SOX5: variants seen among roughly 807,000 people sequenced by gnomAD.
The protein encoded by SOX5 is SRY-box transcription factor 5, also known as transcription factor SOX-5.
A neutral mutation model predicts 92.0 loss-of-function variants in SOX5; 9 were observed. That is an observed-to-expected ratio of 0.10 (90% CI 0.06 to 0.17). The LOEUF is 0.17. Ranked by LOEUF, SOX5 falls within the 10% of genes least tolerant of loss-of-function variation. The pLI is 1.00. For synonymous variants in SOX5, 344 were observed against 336.3 expected (o/e 1.02, Z -0.25); for missense variants, 642 against 944.5 (o/e 0.68, Z 4.20).
At chr12:24,016,720 T>C (rs16926969) in intron 4 of SOX5, among the ~76,000 whole-genome samples, 1,750 of 152,260 alleles carry the variant, frequency 0.011, 45 homozygotes, top group African/African-American at 0.039. Context: ...GGCCACAATA[T>C]ATTGACTTGC....
At chr12:23,864,996 C>G (rs966300281) in intron 2 of SOX5, among the ~76,000 whole-genome samples, 3 of 152,172 alleles carry the variant, frequency 2.0e-5, no homozygotes, top group Admixed American at 1.3e-4. Flanking sequence ...CCTGGCTCTC[C>G]TGTTAGGGGT....
intron 3 of SOX5, among the ~76,000 whole-genome samples, chr12:23,819,524 C>A (rs1218887757): frequency 6.6e-6 from 1 of 152,110 alleles, no homozygotes; most frequent in Admixed American, 6.5e-5. Context: ...GTTTGCTGCA[C>A]CCATCAGCCC....
intron 3 of SOX5, among the ~76,000 whole-genome samples, chr12:23,843,805 C>T (rs1012703585): frequency 1.3e-5 from 2 of 151,998 alleles, no homozygotes; most frequent in African/African-American, 4.8e-5. Context: ...CTCAGGTGAT[C>T]CACCTGCCAC....
intron 4 of SOX5, among the ~76,000 whole-genome samples, chr12:24,118,000 CA>C (rs1948210723): frequency 9.0e-6 from 1 of 110,994 alleles, no homozygotes; most frequent in African/African-American, 3.6e-5. Context: ...GCCTGGGGAA[CA>C]GAGCGAGACT....
At position 24,117,851 on chromosome 12, in the gene SOX5, C is replaced by G. The variant is rs544912528; in HGVS notation, c.-2+95492G>C. 3.3e-5 allele frequency among the ~76,000 whole-genome samples: 5 copies of G among 151,874 alleles called. No homozygotes were observed. In the East Asian group the frequency reaches 7.7e-4, roughly 24 times the overall value. ...CCTGGCCAACATAGTGAAACCCTATCTCTACTAAAAATACAAAAATTAGCT... is the reference window on the plus strand; with the variant it reads ...CCTGGCCAACATAGTGAAACCCTATGTCTACTAAAAATACAAAAATTAGCT... On this transcript the variant is annotated intron_variant, in intron 4 of 4. Transcript: ENST00000446891.
At chr12:23,863,529 C>T (rs1341358319) in intron 2 of SOX5, among the ~76,000 whole-genome samples, 1 of 152,082 alleles carries the variant, frequency 6.6e-6, no homozygotes, top group Non-Finnish European at 1.5e-5. Flanking sequence ...TATGGCTTCT[C>T]ATCGGAATAA....
intron 2 of SOX5, among the ~76,000 whole-genome samples, chr12:24,335,967 G>GCTA (rs1428776663): frequency 9.4e-5 from 1 of 10,656 alleles, no homozygotes; most frequent in Non-Finnish European, 2.6e-4. Flanking sequence ...GGCTAGAAAT[G>GCTA]CTATCATATA....
chr12:23,782,551 C>G (rs1234771735), intron 3 of SOX5, among the ~76,000 whole-genome samples: 1 of 152,206 alleles, frequency 6.6e-6, no homozygotes, highest in Admixed American at 6.5e-5. Flanking sequence ...AGAGGAAGAA[C>G]AGCAGATTTA....
At chr12:24,271,344 C>A (rs1255158225) in intron 3 of SOX5, among the ~76,000 whole-genome samples, 3 of 152,112 alleles carry the variant, frequency 2.0e-5, no homozygotes, top group Non-Finnish European at 4.4e-5. Context: ...ATTTGCATTT[C>A]TTCTTTTGCC....
chr12:24,403,287 A>T (rs1217801611), intron 1 of SOX5, among the ~76,000 whole-genome samples: 1 of 152,164 alleles, frequency 6.6e-6, no homozygotes, highest in African/African-American at 2.4e-5. Flanking sequence ...CTCCCTAAGT[A>T]TTGCACTTAT....
chr12:24,269,675 C>CTTTATT (rs1210871470), intron 3 of SOX5, among the ~76,000 whole-genome samples: 1 of 137,744 alleles, frequency 7.3e-6, no homozygotes, highest in Non-Finnish European at 1.6e-5. Context: ...TATCACATTT[C>CTTTATT]TTTATTTTTA....
intron 8 of SOX5, among the ~76,000 whole-genome samples, chr12:23,632,926 ATAT>A (rs1043416225): frequency 6.6e-6 from 1 of 152,162 alleles, no homozygotes; most frequent in Non-Finnish European, 1.5e-5. Flanking sequence ...TATTCCAAAA[ATAT>A]TATTATGAAT....
chr12:24,094,535 A>T (rs183421987), intron 4 of SOX5, among the ~76,000 whole-genome samples: 145 of 148,274 alleles, frequency 9.8e-4, no homozygotes, highest in Admixed American at 2.5e-3. Flanking sequence ...AGATTTACTC[A>T]TTGTTTCCTT....
intron 6 of SOX5, among the ~76,000 whole-genome samples, chr12:23,677,632 CTG>C (rs528515033): frequency 1.2e-3 from 185 of 152,276 alleles, no homozygotes; most frequent in African/African-American, 4.3e-3. Context: ...TCCTTAAACT[CTG>C]TGCATTATTC....
chr12:23,794,852 A>G (rs2095535612), intron 3 of SOX5, among the ~76,000 whole-genome samples: 1 of 152,144 alleles, frequency 6.6e-6, no homozygotes, highest in Admixed American at 6.6e-5. Context: ...TTCTTAGTCA[A>G]ATAAGTCACA....
At chr12:24,386,867 G>T (rs941341518) in intron 1 of SOX5, among the ~76,000 whole-genome samples, 11 of 152,160 alleles carry the variant, frequency 7.2e-5, no homozygotes, top group Non-Finnish European at 1.3e-4. Context: ...TCAAGTATTT[G>T]AGATATAGCT....
intron 3 of SOX5, among the ~76,000 whole-genome samples, chr12:24,251,084 C>T (rs925802789): frequency 5.3e-5 from 8 of 152,032 alleles, no homozygotes; most frequent in Admixed American, 6.6e-5. Flanking sequence ...AAAGTGTTTG[C>T]GTAGCAGCAA....
At chr12:23,629,453 T>G (rs975249895) in intron 8 of SOX5, among the ~76,000 whole-genome samples, 4 of 152,068 alleles carry the variant, frequency 2.6e-5, no homozygotes, top group African/African-American at 9.6e-5. Flanking sequence ...CAGGTCACTA[T>G]TTAGAGTCTA....
Position 23,834,520 on chromosome 12 carries a change from C to T in SOX5, c.481+11463G>A, listed in dbSNP as rs116927491. Among the ~76,000 whole-genome samples, 837 of 151,968 alleles carry T rather than the reference C, an allele frequency of 5.5e-3. 3 individuals are homozygous for T. Among genetic ancestry groups the T allele is most frequent in the Non-Finnish European group, 8.6e-3 (581 of 67,844 alleles). ...GATTACATGAAACAGCCCACATTAACACCTGGCAGGAGAGTTGGACATTTG... is the reference window on the plus strand; with the variant it reads ...GATTACATGAAACAGCCCACATTAATACCTGGCAGGAGAGTTGGACATTTG... On this transcript the variant is annotated intron_variant, in intron 3 of 14. Coordinates refer to ENST00000451604, the MANE Select transcript of SOX5 (RefSeq NM_006940.6).
Sources: allele counts gnomAD v4.1 joint callset (sites outside exome capture counted in the v4.1 genomes callset), GRCh38; gene constraint gnomAD v4.1.1; transcripts MANE v1.5; gene names NCBI Gene and HGNC (gene_info 2026-07-23, HGNC 2026-07-21).